MALRD1: variants seen among roughly 807,000 people sequenced by gnomAD.
The protein encoded by MALRD1 is MAM and LDL receptor class A domain containing 1.
In MALRD1, 247 loss-of-function variants were observed where a neutral mutation model predicts 242.1. The observed-to-expected ratio is 1.02, with a 90% CI of 0.92 to 1.13. MALRD1 has a LOEUF of 1.13. MALRD1 is among the 50% of genes most tolerant of loss of function. MALRD1 has a pLI of 0.00. For missense variants in MALRD1, 2,989 were observed against 2,533.1 expected, an observed-to-expected ratio of 1.18 and a Z score of -3.86; for synonymous variants, 995 against 866.6, an observed-to-expected ratio of 1.15 and a Z score of -2.60.
intron 26 of MALRD1, among the ~76,000 whole-genome samples, chr10:19,375,821 C>T (rs987965766): frequency 1.3e-5 from 2 of 152,058 alleles, no homozygotes; most frequent in African/African-American, 2.4e-5. Context: ...AAAAAGTTTC[C>T]AAAAAGAAAA....
At chr10:19,201,777 G>A (rs1169976411) in intron 14 of MALRD1, among the ~76,000 whole-genome samples, 1 of 152,102 alleles carries the variant, frequency 6.6e-6, no homozygotes, top group Non-Finnish European at 1.5e-5. Flanking sequence ...TTTTTGAGCA[G>A]TATATAATTT....
At chr10:19,247,002 G>A (rs532930965) in intron 18 of MALRD1, among the ~76,000 whole-genome samples, 139 of 152,048 alleles carry the variant, frequency 9.1e-4, no homozygotes, top group African/African-American at 3.0e-3. Flanking sequence ...TTATACAAAT[G>A]TGTATAATGA....
At chr10:19,460,722 T>C (rs1835896949) in intron 29 of MALRD1, among the ~76,000 whole-genome samples, 1 of 152,084 alleles carries the variant, frequency 6.6e-6, no homozygotes. Flanking sequence ...CAAGGACCCT[T>C]GAGGTAAACA....
At position 19,708,863 on chromosome 10, in the gene MALRD1, T is replaced by C. The variant is rs1200844558; in HGVS notation, c.6314+16309T>C. 3.3e-5 allele frequency among the ~76,000 whole-genome samples: 4 copies of C among 119,964 alleles called. 1 individual carries two copies. Among genetic ancestry groups the C allele is most frequent in the Non-Finnish European group, 5.7e-5 (3 of 52,416 alleles). The allele number at this position is 119,964 out of a possible 152,430, so 78.7% of individuals were successfully genotyped here. A position where few individuals can be genotyped will look rare whatever the true frequency, so the allele number is the denominator to read the frequency against. ...TTTTAGTAGAGATGGGGTTTAACCATGTTGGCCAAGATGGTCTTGGAACTC... is the reference window on the plus strand; with the variant it reads ...TTTTAGTAGAGATGGGGTTTAACCACGTTGGCCAAGATGGTCTTGGAACTC... On this transcript the variant is annotated intron_variant, in intron 38 of 39. Transcript: ENST00000454679.
intron 36 of MALRD1, among the ~76,000 whole-genome samples, chr10:19,673,776 G>A (rs114115992): frequency 0.025 from 3,773 of 152,012 alleles, 89 homozygotes; most frequent in African/African-American, 0.056. Context: ...GATTTATAAT[G>A]TCTCTTTAAA....
intron 28 of MALRD1, among the ~76,000 whole-genome samples, chr10:19,432,940 A>G (rs1834203216): frequency 6.6e-6 from 1 of 152,232 alleles, no homozygotes; most frequent in African/African-American, 2.4e-5. Context: ...TACATTCTTT[A>G]CATTCCATGC....
At chr10:19,651,290 C>T (rs915476593) in intron 36 of MALRD1, among the ~76,000 whole-genome samples, 1 of 152,074 alleles carries the variant, frequency 6.6e-6, no homozygotes, top group Non-Finnish European at 1.5e-5. Context: ...TTGGGATGTG[C>T]TATGGTGATC....
At chr10:19,471,432 A>G (rs1836489892) in intron 29 of MALRD1, among the ~76,000 whole-genome samples, 1 of 151,776 alleles carries the variant, frequency 6.6e-6, no homozygotes, top group Non-Finnish European at 1.5e-5. Flanking sequence ...TTGTAATTCG[A>G]TATGAATTTT....
intron 21 of MALRD1, among the ~76,000 whole-genome samples, chr10:19,298,401 G>T (rs1251631975): frequency 2.0e-5 from 3 of 151,904 alleles, no homozygotes; most frequent in African/African-American, 7.3e-5. Flanking sequence ...TATTTGGTTG[G>T]AATGGGACAA....
rs573497995 is a variant in MALRD1, at chr10:19,421,734, C to T, written c.4846-28573C>T. ...TCATAGTATTGGATTGTCAGCAGCT[C>T]ATAAAGGTGATTTTTACAATTAATC... On this transcript the variant is annotated intron_variant, in intron 28 of 39. Coordinates refer to ENST00000454679, the MANE Select transcript of MALRD1 (RefSeq NM_001142308.3). Among the ~76,000 whole-genome samples, 20 of 152,252 alleles carry T rather than the reference C, an allele frequency of 1.3e-4. No individual in the cohort carries two copies. The South Asian group carries it at 3.7e-3, about 28-fold the overall frequency.
chr10:19,561,632 T>A lies in MALRD1; in HGVS notation c.5479-5870T>A, dbSNP rs143902109. Reference sequence around the variant, plus strand: ...CAGGGTAATTTGTGAATAGAAGAAATTTTTAAATGGGGTTATGATTAGGTC... The same window carrying A: ...CAGGGTAATTTGTGAATAGAAGAAAATTTTAAATGGGGTTATGATTAGGTC... On this transcript the variant is annotated intron_variant, in intron 32 of 39. Coordinates refer to ENST00000454679, the MANE Select transcript of MALRD1 (RefSeq NM_001142308.3). Among the ~76,000 whole-genome samples, 234 of 152,212 alleles carry A rather than the reference T, an allele frequency of 1.5e-3. 2 individuals are homozygous for A. The highest frequency in any genetic ancestry group is 5.6e-3 in the African/African-American group (232 of 41,536).
At chr10:19,341,959 A>G (rs1843901154) in intron 24 of MALRD1, among the ~76,000 whole-genome samples, 1 of 152,056 alleles carries the variant, frequency 6.6e-6, no homozygotes, top group Non-Finnish European at 1.5e-5. Flanking sequence ...ATGTGTTCAC[A>G]TCTTGACTGC....
chr10:19,639,979 A>G (rs925596439), intron 36 of MALRD1, among the ~76,000 whole-genome samples: 5 of 152,198 alleles, frequency 3.3e-5, no homozygotes, highest in African/African-American at 1.2e-4. Context: ...TTCCACTGAA[A>G]TGGGTCAAGT....
At chr10:19,537,651 T>C (rs542348960) in intron 32 of MALRD1, among the ~76,000 whole-genome samples, 1 of 152,322 alleles carries the variant, frequency 6.6e-6, no homozygotes, top group Admixed American at 6.5e-5. Flanking sequence ...GGGAAACTTA[T>C]TTTATTTTTC....
At chr10:19,402,630 C>G (rs1846917216) in intron 28 of MALRD1, among the ~76,000 whole-genome samples, 1 of 151,930 alleles carries the variant, frequency 6.6e-6, no homozygotes, top group Non-Finnish European at 1.5e-5. Context: ...CTAATATACC[C>G]TATCTCCAAA....
chr10:19,156,840 T>C (rs1302483256), intron 12 of MALRD1, among the ~76,000 whole-genome samples: 2 of 152,158 alleles, frequency 1.3e-5, no homozygotes, highest in African/African-American at 2.4e-5. Flanking sequence ...TTTGCTTAAA[T>C]TGGTAACTTA....
At chr10:19,171,723 T>TATATACGTATATATACGTGC (rs1554803274) in intron 13 of MALRD1, among the ~76,000 whole-genome samples, 5,004 of 126,480 alleles carry the variant, frequency 0.04, 572 homozygotes, top group East Asian at 0.079. Context: ...TATATACACG[T>TATATACGTATATATACGTGC]ATATACGTAT....
At chr10:19,074,010 C>G (rs1330114319) in intron 2 of MALRD1, among the ~76,000 whole-genome samples, 1 of 151,944 alleles carries the variant, frequency 6.6e-6, no homozygotes, top group African/African-American at 2.4e-5. Flanking sequence ...ACATAAGGAC[C>G]AGGTGGAGAT....
intron 35 of MALRD1, among the ~76,000 whole-genome samples, chr10:19,614,843 A>G (rs1050131247): frequency 1.3e-5 from 2 of 152,100 alleles, no homozygotes; most frequent in Admixed American, 1.3e-4. Context: ...CTGCATGCTC[A>G]TAAGTGAGTG....
Sources: allele counts gnomAD v4.1 joint callset (sites outside exome capture counted in the v4.1 genomes callset), GRCh38; gene constraint gnomAD v4.1.1; transcripts MANE v1.5; gene names NCBI Gene and HGNC (gene_info 2026-07-23, HGNC 2026-07-21).